Variants in MTMR7 observed in about 807,000 individuals in gnomAD.
MTMR7 encodes myotubularin related protein 7, also known as phosphatidylinositol-3-phosphate phosphatase MTMR7.
MTMR7 carries 76 observed loss-of-function variants against 81.2 expected under a neutral mutation model. That is an observed-to-expected ratio of 0.94 (90% confidence interval 0.78 to 1.13). The LOEUF (loss-of-function observed/expected upper bound fraction) is 1.13. Among genes scored for constraint, MTMR7 ranks in the 50% most tolerant of loss-of-function variants. The pLI, the probability that MTMR7 is intolerant of heterozygous loss-of-function variation, is 0.00. For synonymous variants in MTMR7, 372 were observed against 289.8 expected (o/e 1.28, Z -2.88); for missense variants, 1,044 against 820.0 (o/e 1.27, Z -3.34).
chr8:17,412,634 T>A (rs940611156), intron 1 of MTMR7, among the ~76,000 whole-genome samples: 2 of 152,202 alleles, frequency 1.3e-5, no homozygotes, highest in Admixed American at 1.3e-4. Context: ...CAACAGTGCG[T>A]GACGAATCCG....
At chr8:17,325,196 G>A (rs933547122) in intron 7 of MTMR7, among the ~76,000 whole-genome samples, 6 of 151,934 alleles carry the variant, frequency 3.9e-5, no homozygotes, top group African/African-American at 7.3e-5. Context: ...GGGTGTGTCC[G>A]GGGCTCTTCC....
At chr8:17,402,710 C>T (rs1435780954) in intron 1 of MTMR7, among the ~76,000 whole-genome samples, 1 of 152,168 alleles carries the variant, frequency 6.6e-6, no homozygotes, top group South Asian at 2.1e-4. Flanking sequence ...GTGAATAATG[C>T]TGCCATAAGC....
intron 1 of MTMR7, among the ~76,000 whole-genome samples, chr8:17,400,626 T>A (rs1274988551): frequency 6.6e-6 from 1 of 152,160 alleles, no homozygotes; most frequent in Non-Finnish European, 1.5e-5. Context: ...AGAACAAACC[T>A]CAGTACTGTT....
intron 3 of MTMR7, among the ~76,000 whole-genome samples, chr8:17,364,482 T>C (rs762701712): frequency 6.6e-6 from 1 of 152,218 alleles, no homozygotes; most frequent in Non-Finnish European, 1.5e-5. Context: ...ACTGAACTAT[T>C]ACCTATACTC....
intron 4 of MTMR7, among the ~76,000 whole-genome samples, chr8:17,353,312 G>A (rs180960806): frequency 2.6e-5 from 4 of 152,150 alleles, no homozygotes; most frequent in Non-Finnish European, 4.4e-5. Context: ...GTTGTTTAAT[G>A]GGTATAGAGT....
At chr8:17,327,795 G>A (rs571206976) in intron 7 of MTMR7, among the ~76,000 whole-genome samples, 83 of 152,264 alleles carry the variant, frequency 5.5e-4, no homozygotes, top group African/African-American at 1.9e-3. Flanking sequence ...GTACTTTGAG[G>A]TTTTAACTTA....
chr8:17,404,478 T>C (rs990128760), intron 1 of MTMR7, among the ~76,000 whole-genome samples: 4 of 152,162 alleles, frequency 2.6e-5, no homozygotes, highest in Non-Finnish European at 5.9e-5. Flanking sequence ...ATATTATGGA[T>C]CTTATCAGTA....
intron 1 of MTMR7, among the ~76,000 whole-genome samples, chr8:17,376,787 A>G (rs563606621): frequency 2.6e-5 from 4 of 152,238 alleles, no homozygotes; most frequent in African/African-American, 9.6e-5. Context: ...AAAGTGACCT[A>G]ATCCTAGTTT....
At chr8:17,412,549 T>G (rs1337232151) in intron 1 of MTMR7, among the ~76,000 whole-genome samples, 4 of 152,214 alleles carry the variant, frequency 2.6e-5, no homozygotes, top group African/African-American at 9.6e-5. Context: ...GATCAACGTT[T>G]CCAATGTTAA....
chr8:17,408,427 T>C (rs1038970108), intron 1 of MTMR7, among the ~76,000 whole-genome samples: 2 of 144,030 alleles, frequency 1.4e-5, no homozygotes, highest in African/African-American at 5.1e-5. Context: ...AAGAACATCA[T>C]GGATTCACCG....
At chr8:17,326,544 A>C (rs1271793073) in intron 7 of MTMR7, 1 of 152,244 alleles carries the variant, frequency 6.6e-6, no homozygotes, top group Non-Finnish European at 1.5e-5. Context: ...CTAGGTTAAA[A>C]TACTGCTTTG....
intron 13 of MTMR7, chr8:17,301,504 A>G (rs1817109640): frequency 6.6e-6 from 1 of 152,282 alleles, no homozygotes. Context: ...TGGAAAATAA[A>G]GCTGAAAAGA....
chr8:17,384,648 T>G (rs577214892), intron 1 of MTMR7, among the ~76,000 whole-genome samples: 172 of 152,282 alleles, frequency 1.1e-3, no homozygotes, highest in Non-Finnish European at 1.9e-3. Context: ...ATTGCCATGA[T>G]CTCTTATAAT....
At chr8:17,330,374 G>A (rs1818934487) in intron 7 of MTMR7, among the ~76,000 whole-genome samples, 1 of 152,226 alleles carries the variant, frequency 6.6e-6, no homozygotes, top group East Asian at 1.9e-4. Context: ...CAAGGCACAA[G>A]GCCATGGTTT....
chr8:17,343,598 G>T (rs2096806270), intron 5 of MTMR7, among the ~76,000 whole-genome samples: 1 of 152,140 alleles, frequency 6.6e-6, no homozygotes, highest in African/African-American at 2.4e-5. Context: ...GCAATTTAGG[G>T]ACAACAACTA....
chr8:17,375,107 A>G (rs1820540602), intron 1 of MTMR7, among the ~76,000 whole-genome samples: 1 of 152,160 alleles, frequency 6.6e-6, no homozygotes, highest in African/African-American at 2.4e-5. Context: ...AATAAATAAT[A>G]GGAGGTGTGG....
intron 12 of MTMR7, among the ~76,000 whole-genome samples, chr8:17,302,703 ACC>A (rs35520166): frequency 0.014 from 140 of 10,354 alleles, 11 homozygotes; most frequent in East Asian, 0.083. Context: ...ATTGGCAATA[ACC>A]CCCCCCCCCC....
At chr8:17,361,349 T>G in intron 3 of MTMR7, 75 bp from the exon 4 acceptor site, 1 of 1,561,178 alleles carries the variant, frequency 6.4e-7, no homozygotes, top group Middle Eastern at 1.8e-4. Context: ...AAACATTCTG[T>G]CCCACCTGGA....
intron 5 of MTMR7, among the ~76,000 whole-genome samples, chr8:17,345,853 T>A (rs937043899): frequency 3.3e-5 from 5 of 152,190 alleles, no homozygotes; most frequent in Non-Finnish European, 7.3e-5. Context: ...AAGTGTCCCT[T>A]TGGTAGCATA....
Sources: gnomAD v4.1 joint callset for allele counts (sites outside exome capture counted in the v4.1 genomes callset) on GRCh38, gnomAD v4.1.1 for gene constraint, MANE v1.5 for transcripts, NCBI Gene and HGNC (gene_info 2026-07-23, HGNC 2026-07-21) for gene names.